Variants in AMBRA1 observed in about 807,000 individuals in gnomAD.
AMBRA1 encodes the protein activating molecule in BECN1-regulated autophagy protein 1.
Under a neutral mutation model 125.4 loss-of-function variants are expected in AMBRA1, and 47 were observed. That is an observed-to-expected ratio of 0.37 (90% CI 0.30 to 0.48). The LOEUF is 0.48. Among genes scored for constraint, AMBRA1 ranks in the 20% least tolerant of loss-of-function variants. The pLI is 0.99. For synonymous variants in AMBRA1, 626 were observed against 655.5 expected (o/e 0.95, Z 0.69); for missense variants, 1,331 against 1,693.4 (o/e 0.79, Z 3.76).
At chr11:46,518,202 G>A (rs919057820) in intron 7 of AMBRA1, 12 of 436,544 alleles carry the variant, frequency 2.7e-5, no homozygotes, top group Non-Finnish European at 3.7e-5. Flanking sequence ...GGCCGAGGTG[G>A]GCAGATCACC....
At chr11:46,583,754 C>CA (rs1224595525) in intron 1 of AMBRA1, among the ~76,000 whole-genome samples, 5 of 150,410 alleles carry the variant, frequency 3.3e-5, no homozygotes, top group African/African-American at 4.9e-5. Context: ...TTTATGCAGC[C>CA]AAAAAACACA....
At chr11:46,545,909 A>G (rs1309671453) in intron 4 of AMBRA1, 133 bp from the exon 5 acceptor site, 4 of 754,386 alleles carry the variant, frequency 5.3e-6, no homozygotes, top group Non-Finnish European at 8.5e-6. Context: ...CTCTGTAAAA[A>G]GATGTAGAAG....
chr11:46,582,122 A>G (rs1032657241), intron 1 of AMBRA1, among the ~76,000 whole-genome samples: 1 of 151,910 alleles, frequency 6.6e-6, no homozygotes, highest in Non-Finnish European at 1.5e-5. Flanking sequence ...AAAAAAAAAA[A>G]AAAAAAAATT....
rs540894984 is a variant in AMBRA1, at chr11:46,557,372, A to C, written c.-120-8872T>G. Among the ~76,000 whole-genome samples the C allele has an allele frequency of 1.9e-3, 285 of 152,242 alleles. 1 individual carries two copies. Among genetic ancestry groups the C allele is most frequent in the Middle Eastern group, 0.01 (3 of 294 alleles). On this transcript the variant is annotated intron_variant, in intron 1 of 17. Coordinates refer to ENST00000683756, the MANE Select transcript of AMBRA1 (RefSeq NM_001387011.1). The stretch of plus-strand genomic sequence containing the variant: ...CAATATTTAATTTCTAAAAATAAAA[A>C]GTTTAGGCCACAAAGCCCTGTAAAC...
At chr11:46,516,433 T>C (rs917018457) in intron 7 of AMBRA1, among the ~76,000 whole-genome samples, 8 of 139,028 alleles carry the variant, frequency 5.8e-5, no homozygotes, top group Non-Finnish European at 7.9e-5. Context: ...CTTTTTTTTT[T>C]TTTTTTTTTT....
At chr11:46,553,207 T>C (rs1199629442) in intron 1 of AMBRA1, among the ~76,000 whole-genome samples, 1 of 151,994 alleles carries the variant, frequency 6.6e-6, no homozygotes, top group Non-Finnish European at 1.5e-5. Context: ...CCTCCCAAAG[T>C]GCTGGGATTA....
intron 11 of AMBRA1, among the ~76,000 whole-genome samples, chr11:46,467,318 C>T (rs1949369501): frequency 6.6e-6 from 1 of 152,140 alleles, no homozygotes; most frequent in South Asian, 2.1e-4. Flanking sequence ...AAAATAGTTA[C>T]ATCCCATGTT....
Position 46,435,031 on chromosome 11 carries a change from A to C in AMBRA1, c.2639T>G (p.Val880Gly). The C allele has an allele frequency of 6.2e-7, 1 of 1,605,786 alleles. No homozygotes were observed. Among genetic ancestry groups the C allele is most frequent in the Non-Finnish European group, 8.5e-7 (1 of 1,175,840 alleles). Residue 880 changes from valine to glycine, a missense_variant, in exon 13 of 18, where the codon GTG becomes GGG. By Grantham distance (109) the Val-to-Gly change is moderately radical. Transcript: ENST00000683756. The part of the protein sequence containing the change: ...FDLPEISNAS[V>G]NVLVQNCKIY... ...CTTGCAGTTCTGCACCAGCACATTC[A>C]CGGAAGCTGCATCAGACAAAGAAAG...
At chr11:46,478,978 C>A (rs55750336) in intron 11 of AMBRA1, among the ~76,000 whole-genome samples, 1 of 152,128 alleles carries the variant, frequency 6.6e-6, no homozygotes, top group Admixed American at 6.5e-5. Context: ...GTGGTAGGAT[C>A]GCTTGAGCCC....
chr11:46,478,924 C>T (rs529170735), intron 11 of AMBRA1, among the ~76,000 whole-genome samples: 4 of 152,276 alleles, frequency 2.6e-5, no homozygotes, highest in South Asian at 2.1e-4. Context: ...TTGTGCTGGA[C>T]GCAGTGGCTC....
At chr11:46,420,125 C>T (rs1278297109) in intron 14 of AMBRA1, among the ~76,000 whole-genome samples, 1 of 152,062 alleles carries the variant, frequency 6.6e-6, no homozygotes, top group East Asian at 1.9e-4. Flanking sequence ...CTTTTACAGA[C>T]ATGGAACTGG....
At chr11:46,524,910 G>A (rs938166341) in intron 7 of AMBRA1, among the ~76,000 whole-genome samples, 2 of 152,358 alleles carry the variant, frequency 1.3e-5, no homozygotes, top group Middle Eastern at 3.4e-3. Context: ...GAACAGTCAG[G>A]TATCCATCTA....
chr11:46,500,382 C>T (rs576864378), intron 9 of AMBRA1, among the ~76,000 whole-genome samples: 1 of 152,250 alleles, frequency 6.6e-6, no homozygotes, highest in Admixed American at 6.5e-5. Context: ...AAACATCAAG[C>T]CCTCAGACAA....
chr11:46,466,352 A>G (rs1949322841), intron 11 of AMBRA1, among the ~76,000 whole-genome samples: 1 of 152,228 alleles, frequency 6.6e-6, no homozygotes, highest in Non-Finnish European at 1.5e-5. Flanking sequence ...GTCTAAAAAA[A>G]AAAAAAAGGG....
intron 7 of AMBRA1, among the ~76,000 whole-genome samples, chr11:46,523,704 T>G (rs1349315799): frequency 6.6e-6 from 1 of 152,088 alleles, no homozygotes; most frequent in South Asian, 2.1e-4. Context: ...TGCGCTTTAT[T>G]TAGAAAAATC....
intron 11 of AMBRA1, among the ~76,000 whole-genome samples, chr11:46,462,317 T>C (rs1158998808): frequency 1.3e-5 from 2 of 152,102 alleles, no homozygotes; most frequent in Non-Finnish European, 2.9e-5. Context: ...CCCCTTGGGG[T>C]ATGGGAAACC....
chr11:46,592,873 ACT>A (rs2044656780), intron 1 of AMBRA1, among the ~76,000 whole-genome samples: 1 of 152,042 alleles, frequency 6.6e-6, no homozygotes, highest in Admixed American at 6.6e-5. Context: ...CCTCTACTAG[ACT>A]CTAACCTCTA....
chr11:46,406,090 G>T (rs1224174941), intron 17 of AMBRA1, among the ~76,000 whole-genome samples: 6 of 151,332 alleles, frequency 4.0e-5, no homozygotes, highest in African/African-American at 1.2e-4. Context: ...GTCTTGCTTT[G>T]TTGCCCAGGC....
At chr11:46,486,448 A>G (rs1482643235) in intron 11 of AMBRA1, among the ~76,000 whole-genome samples, 1 of 152,236 alleles carries the variant, frequency 6.6e-6, no homozygotes, top group African/African-American at 2.4e-5. Context: ...CAGCTATGCT[A>G]TCAGATGGTG....
Sources: gnomAD v4.1 joint callset for allele counts (sites outside exome capture counted in the v4.1 genomes callset) on GRCh38, gnomAD v4.1.1 for gene constraint, MANE v1.5 for transcripts, NCBI Gene and HGNC (gene_info 2026-07-23, HGNC 2026-07-21) for gene names.